The following TOX2 variants were observed in gnomAD, a reference collection of about 807,000 sequenced individuals.
The protein encoded by TOX2 is TOX high mobility group box family member 2, also known as granulosa cell HMG box 1.
A neutral mutation model predicts 47.4 loss-of-function variants in TOX2; 15 were observed. The observed-to-expected ratio is 0.32, with a 90% CI of 0.21 to 0.49. TOX2 has a LOEUF of 0.49. Among genes scored for constraint, TOX2 ranks in the 20% least tolerant of loss-of-function variants. The probability of loss-of-function intolerance (pLI) is 0.99; values close to 1 mark genes in which losing one functional copy is unlikely to be tolerated. For synonymous variants in TOX2, 290 were observed against 296.6 expected (o/e 0.98, Z 0.23); for missense variants, 622 against 673.1 (o/e 0.92, Z 0.84).
intron 1 of TOX2, among the ~76,000 whole-genome samples, chr20:43,920,856 G>C (rs535213265): frequency 1.3e-5 from 2 of 152,214 alleles, no homozygotes; most frequent in African/African-American, 4.8e-5. Flanking sequence ...GGGAATGCTG[G>C]TGGGAATGGT....
At chr20:43,921,694 T>C (rs1249222260) in intron 1 of TOX2, among the ~76,000 whole-genome samples, 1 of 152,024 alleles carries the variant, frequency 6.6e-6, no homozygotes, top group Non-Finnish European at 1.5e-5. Flanking sequence ...AGTCTTGCTC[T>C]CTTGCCCAGG....
At chr20:43,959,304 C>T (rs573814339) in intron 1 of TOX2, among the ~76,000 whole-genome samples, 1 of 152,234 alleles carries the variant, frequency 6.6e-6, no homozygotes, top group African/African-American at 2.4e-5. Flanking sequence ...AGCTGTGCTG[C>T]ACCAGTGTTC....
chr20:44,052,170 C>T (rs868487039), intron 4 of TOX2, among the ~76,000 whole-genome samples: 1 of 152,062 alleles, frequency 6.6e-6, no homozygotes, highest in African/African-American at 2.4e-5. Context: ...CAAAAATGAC[C>T]GCCCCACTGG....
intron 5 of TOX2, among the ~76,000 whole-genome samples, chr20:44,055,633 A>C (rs936298207): frequency 6.6e-6 from 1 of 152,190 alleles, no homozygotes; most frequent in African/African-American, 2.4e-5. Flanking sequence ...AGTTTTATGT[A>C]GAGGAGAGAC....
intron 3 of TOX2, among the ~76,000 whole-genome samples, chr20:44,033,469 C>A (rs570981973): frequency 6.6e-6 from 1 of 152,164 alleles, no homozygotes; most frequent in South Asian, 2.1e-4. Flanking sequence ...TCAAAAGGGG[C>A]TTTGCAGATG....
intron 3 of TOX2, among the ~76,000 whole-genome samples, chr20:44,049,489 G>A (rs1199759730): frequency 6.6e-6 from 1 of 152,128 alleles, no homozygotes; most frequent in Admixed American, 6.5e-5. Context: ...TCTTCTTTTT[G>A]TTAGCCTTTT....
At chr20:43,977,101 A>G (rs1375510489) in intron 2 of TOX2, among the ~76,000 whole-genome samples, 1 of 152,196 alleles carries the variant, frequency 6.6e-6, no homozygotes, top group East Asian at 1.9e-4. Context: ...AGAACATCCA[A>G]TCAATATATG....
chr20:44,051,020 G>T (rs1349276636), intron 3 of TOX2, among the ~76,000 whole-genome samples: 1 of 152,230 alleles, frequency 6.6e-6, no homozygotes, highest in Non-Finnish European at 1.5e-5. Flanking sequence ...AACATAACTG[G>T]ACTGAGCTCT....
At chr20:43,952,850 G>T (rs1173384329) in intron 1 of TOX2, among the ~76,000 whole-genome samples, 1 of 152,146 alleles carries the variant, frequency 6.6e-6, no homozygotes, top group Non-Finnish European at 1.5e-5. Flanking sequence ...CCTAAGTATA[G>T]CTAGGTCCTA....
At chr20:43,945,818 G>A (rs2069459531) in intron 1 of TOX2, 4 of 1,538,898 alleles carry the variant, frequency 2.6e-6, no homozygotes, top group Non-Finnish European at 3.5e-6. Context: ...GGGGGGTGGG[G>A]GTGCTGGGCC....
intron 3 of TOX2, chr20:44,007,637 G>C (rs1332432809): frequency 1.3e-5 from 2 of 152,530 alleles, no homozygotes; most frequent in Non-Finnish European, 2.9e-5. Flanking sequence ...CTTGAGTCTA[G>C]GAGTTCAAGA....
intron 3 of TOX2, among the ~76,000 whole-genome samples, chr20:44,026,228 G>GAGATATATATATATATATATATATATAT (rs1555842268): frequency 1.3e-4 from 8 of 60,242 alleles, no homozygotes; most frequent in African/African-American, 1.9e-4. Flanking sequence ...AAGAAACTGT[G>GAGATATATATATATATATATATATATAT]ATATATATAT....
At chr20:44,034,283 T>A (rs2071204272) in intron 3 of TOX2, among the ~76,000 whole-genome samples, 1 of 152,146 alleles carries the variant, frequency 6.6e-6, no homozygotes, top group Non-Finnish European at 1.5e-5. Context: ...GTCCAGGTAT[T>A]GGAGGGGCTC....
At chr20:43,923,816 G>T (rs1262736281) in intron 1 of TOX2, among the ~76,000 whole-genome samples, 1 of 152,176 alleles carries the variant, frequency 6.6e-6, no homozygotes, top group African/African-American at 2.4e-5. Flanking sequence ...GGGCGGAAGG[G>T]GTGCACCTGC....
intron 1 of TOX2, among the ~76,000 whole-genome samples, chr20:43,923,608 G>A (rs1208175780): frequency 3.9e-5 from 6 of 152,236 alleles, no homozygotes; most frequent in African/African-American, 1.4e-4. Flanking sequence ...ACTGAGGACA[G>A]TAGAGATGTA....
chr20:44,065,999 C>T lies in TOX2; in HGVS notation c.1248C>T (p.Leu416=), dbSNP rs2071811805. ...LSLPPHAQGA[L]LSPPVSMSPA... ...TGCCCCCTCACGCCCAGGGCGCCCT[C>T]CTCAGTCCACCTGTTAGCATGTCCC... Residue 416 remains leucine (L), a synonymous_variant, in exon 7 of 9, where the codon CTC becomes CTT. Transcript: ENST00000341197. 1.2e-6 allele frequency: 2 copies of T among 1,612,930 alleles called. No homozygotes were observed. The highest frequency in any genetic ancestry group is 1.7e-6 in the Non-Finnish European group (2 of 1,179,842).
intron 1 of TOX2, among the ~76,000 whole-genome samples, chr20:43,964,961 C>T (rs2069825101): frequency 6.6e-6 from 1 of 152,206 alleles, no homozygotes; most frequent in Non-Finnish European, 1.5e-5. Context: ...AGACCCTCTG[C>T]CTTGCTTCTG....
intron 1 of TOX2, among the ~76,000 whole-genome samples, chr20:43,925,721 T>A (rs2069158161): frequency 6.6e-6 from 1 of 152,246 alleles, no homozygotes; most frequent in South Asian, 2.1e-4. Flanking sequence ...CTTTGACTTC[T>A]TAGTTTCTAG....
chr20:43,938,469 C>T (rs987352345), intron 1 of TOX2, among the ~76,000 whole-genome samples: 3 of 152,174 alleles, frequency 2.0e-5, no homozygotes, highest in Non-Finnish European at 4.4e-5. Context: ...TGAAGCAATC[C>T]TGGCTCCTGC....
Sources: gnomAD v4.1 joint callset for allele counts (sites outside exome capture counted in the v4.1 genomes callset) on GRCh38, gnomAD v4.1.1 for gene constraint, MANE v1.5 for transcripts, NCBI Gene and HGNC (gene_info 2026-07-23, HGNC 2026-07-21) for gene names.